The following POU2F1 variants were observed in gnomAD, a reference collection of about 807,000 sequenced individuals.
POU2F1 encodes POU class 2 homeobox 1, also known as POU domain, class 2, transcription factor 1.
Under a neutral mutation model 84.9 loss-of-function variants are expected in POU2F1, and 16 were observed. That is an observed-to-expected ratio of 0.19 (90% CI 0.13 to 0.29). POU2F1 has a LOEUF of 0.29. Ranked by LOEUF, POU2F1 falls within the 10% of genes least tolerant of loss-of-function variation. The probability of loss-of-function intolerance (pLI) is 1.00; values close to 1 mark genes in which losing one functional copy is unlikely to be tolerated. For missense variants in POU2F1, 738 were observed against 942.6 expected (o/e 0.78, Z 2.84); for synonymous variants, 368 against 368.3 (o/e 1.00, Z 0.01).
chr1:167,261,536 T>C lies in POU2F1; in HGVS notation c.61+40578T>C, dbSNP rs1235320181. Among the ~76,000 whole-genome samples, 3 of 152,178 alleles carry C rather than the reference T, an allele frequency of 2.0e-5. No individual in the cohort carries two copies. In the East Asian group the frequency reaches 5.8e-4, roughly 29 times the overall value. Reference sequence around the variant, plus strand: ...TAGGGGAACACATTGTTTTAGATAATCTTGCCTCTTCCTGCCCTCTAGCCA... The same window carrying C: ...TAGGGGAACACATTGTTTTAGATAACCTTGCCTCTTCCTGCCCTCTAGCCA... On this transcript the variant is annotated intron_variant, in intron 1 of 15. Transcript: ENST00000367866.
chr1:167,270,288 A>T (rs1013017988), intron 1 of POU2F1, among the ~76,000 whole-genome samples: 1 of 147,678 alleles, frequency 6.8e-6, no homozygotes, highest in Non-Finnish European at 1.5e-5. Context: ...AGCTGAAGTT[A>T]AAAAAAAAAG....
intron 1 of POU2F1, among the ~76,000 whole-genome samples, chr1:167,264,070 A>C (rs901016290): frequency 2.0e-5 from 3 of 152,196 alleles, no homozygotes; most frequent in Non-Finnish European, 4.4e-5. Flanking sequence ...ACCACTATAT[A>C]TAGTAAACCA....
At chr1:167,300,592 G>A (rs533739587) in intron 1 of POU2F1, among the ~76,000 whole-genome samples, 3 of 152,166 alleles carry the variant, frequency 2.0e-5, no homozygotes, top group East Asian at 3.9e-4. Flanking sequence ...AGCCTCCCGA[G>A]TAGCTGGGAC....
chr1:167,234,978 T>G (rs1649344177), intron 1 of POU2F1, among the ~76,000 whole-genome samples: 1 of 152,242 alleles, frequency 6.6e-6, no homozygotes, highest in Admixed American at 6.5e-5. Context: ...TTACCACTTT[T>G]TACCAACCAC....
chr1:167,244,924 C>T (rs2102384359), intron 1 of POU2F1, among the ~76,000 whole-genome samples: 1 of 152,274 alleles, frequency 6.6e-6, no homozygotes, highest in South Asian at 2.1e-4. Context: ...TTGTCAACTT[C>T]AGTTTCTGGA....
At chr1:167,334,952 T>C (rs1471731650) in intron 2 of POU2F1, among the ~76,000 whole-genome samples, 1 of 139,858 alleles carries the variant, frequency 7.2e-6, no homozygotes, top group African/African-American at 2.7e-5. Context: ...TCCTGAAATG[T>C]TTACAATTGT....
chr1:167,406,378 A>C (rs1264225015), intron 13 of POU2F1, among the ~76,000 whole-genome samples: 2 of 152,234 alleles, frequency 1.3e-5, no homozygotes, highest in African/African-American at 4.8e-5. Flanking sequence ...TCACCTGATA[A>C]AGAGCACTTA....
At chr1:167,392,772 A>G (rs1018720008) in intron 9 of POU2F1, among the ~76,000 whole-genome samples, 2 of 152,204 alleles carry the variant, frequency 1.3e-5, no homozygotes, top group Non-Finnish European at 2.9e-5. Flanking sequence ...AACTTGGACT[A>G]TGTGGGTTAA....
rs1650759001 is a variant in POU2F1, at chr1:167,423,388, A to G, written c.*7578A>G. 2 of 152,244 alleles carry G rather than the reference A, an allele frequency of 1.3e-5. No homozygotes were observed. The highest frequency in any genetic ancestry group is 6.5e-5 in the Admixed American group (1 of 15,284). 9.4% of individuals were successfully genotyped at this position (152,244 alleles called of 1,614,324 possible). ...TCATGAAAGCTTTACTAATAATCTT[A>G]TTGTTCTGACATTATGTAAAGGTGG... On this transcript the variant is annotated 3_prime_UTR_variant, in exon 16 of 16. Coordinates refer to ENST00000367866, the MANE Select transcript of POU2F1 (RefSeq NM_002697.4).
chr1:167,407,579 T>C (rs111767164), intron 13 of POU2F1, among the ~76,000 whole-genome samples: 3 of 152,190 alleles, frequency 2.0e-5, no homozygotes, highest in African/African-American at 7.2e-5. Context: ...AAATTAAGAG[T>C]CCAGAAGCAA....
At chr1:167,253,122 T>C (rs1650850015) in intron 1 of POU2F1, among the ~76,000 whole-genome samples, 1 of 152,238 alleles carries the variant, frequency 6.6e-6, no homozygotes. Context: ...GAAATACTTG[T>C]GAAACTTGGA....
intron 1 of POU2F1, among the ~76,000 whole-genome samples, chr1:167,308,136 G>A (rs1655212689): frequency 6.6e-6 from 1 of 150,916 alleles, no homozygotes; most frequent in Non-Finnish European, 1.5e-5. Context: ...ATGCAATCTC[G>A]GCTCACTGCA....
chr1:167,395,609 T>G (rs532870071), intron 9 of POU2F1, among the ~76,000 whole-genome samples: 75 of 152,232 alleles, frequency 4.9e-4, no homozygotes, highest in Non-Finnish European at 6.8e-4. Flanking sequence ...TTTTTTAAAT[T>G]TTTTTCTTTT....
chr1:167,235,499 G>A (rs1179500328), intron 1 of POU2F1, among the ~76,000 whole-genome samples: 1 of 152,186 alleles, frequency 6.6e-6, no homozygotes, highest in East Asian at 1.9e-4. Context: ...GGCTTATGCT[G>A]TTGGAATCAC....
chr1:167,259,591 G>T (rs755196108), intron 1 of POU2F1, among the ~76,000 whole-genome samples: 1 of 152,156 alleles, frequency 6.6e-6, no homozygotes, highest in Admixed American at 6.5e-5. Flanking sequence ...GTGTGTTTGT[G>T]TGTGTAAGAT....
intron 1 of POU2F1, among the ~76,000 whole-genome samples, chr1:167,231,349 T>A (rs1649049749): frequency 6.6e-6 from 1 of 152,200 alleles, no homozygotes; most frequent in Non-Finnish European, 1.5e-5. Context: ...GAATATTTAT[T>A]AAAAATATAG....
intron 1 of POU2F1, among the ~76,000 whole-genome samples, chr1:167,235,746 T>C (rs1032610): frequency 0.9 from 136,385 of 152,226 alleles, 62,387 homozygotes; most frequent in East Asian, 1. Context: ...TTAAATAAGA[T>C]AAACATTTTA....
intron 1 of POU2F1, among the ~76,000 whole-genome samples, chr1:167,320,893 G>A (rs771923284): frequency 6.6e-5 from 10 of 152,174 alleles, no homozygotes; most frequent in Non-Finnish European, 1.2e-4. Flanking sequence ...ATTACTCATG[G>A]CATAGGTAGG....
rs1193557492 is a variant in POU2F1, at chr1:167,417,233, T to C, written c.*1423T>C. ...GTTCTCTGACTAAAGGAGGCACTTA[T>C]TAGCCGGGCTGGGATCTGTAGAACC... is the stretch of plus-strand genomic sequence containing the variant. On this transcript the variant is annotated 3_prime_UTR_variant, in exon 16 of 16. Transcript: ENST00000367866. The C allele has an allele frequency of 6.6e-6, 1 of 152,220 alleles. No individual in the cohort carries two copies. The highest frequency in any genetic ancestry group is 1.9e-4 in the East Asian group (1 of 5,200). 9.4% of individuals were successfully genotyped at this position (152,220 alleles called of 1,614,324 possible).
Sources: allele counts gnomAD v4.1 joint callset (sites outside exome capture counted in the v4.1 genomes callset), GRCh38; gene constraint gnomAD v4.1.1; transcripts MANE v1.5; gene names NCBI Gene and HGNC (gene_info 2026-07-23, HGNC 2026-07-21).